KANK1: variants seen among roughly 807,000 people sequenced by gnomAD.
KANK1 encodes the protein KN motif and ankyrin repeat domain-containing protein 1.
In KANK1, 109 loss-of-function variants were observed where a neutral mutation model predicts 106.2. That is an observed-to-expected ratio of 1.03 (90% CI 0.88 to 1.20). KANK1 has a LOEUF of 1.20. Among genes scored for constraint, KANK1 ranks in the 50% most tolerant of loss-of-function variants. KANK1 has a pLI of 0.00. For missense variants in KANK1, 2,399 were observed against 1,710.7 expected, an observed-to-expected ratio of 1.40 and a Z score of -7.10; for synonymous variants, 873 against 652.2, an observed-to-expected ratio of 1.34 and a Z score of -5.16.
intron 1 of KANK1, among the ~76,000 whole-genome samples, chr9:550,563 C>T (rs554631340): frequency 1.1e-4 from 16 of 152,264 alleles, no homozygotes; most frequent in East Asian, 5.8e-4. Flanking sequence ...TGAGTTATCG[C>T]GCCACTGCAC....
intron 1 of KANK1, among the ~76,000 whole-genome samples, chr9:659,650 G>A (rs9407338): frequency 0.84 from 127,247 of 151,792 alleles, 53,469 homozygotes; most frequent in East Asian, 0.97. Context: ...CAGTCATGGT[G>A]GATGGCGAAG....
chr9:625,911 C>A (rs1302303604), intron 1 of KANK1, among the ~76,000 whole-genome samples: 9 of 152,104 alleles, frequency 5.9e-5, no homozygotes, highest in Admixed American at 5.9e-4. Flanking sequence ...CCCAGATGAT[C>A]ATTTTCATCC....
At chr9:562,045 T>TTC (rs1554626113) in intron 1 of KANK1, among the ~76,000 whole-genome samples, 5 of 137,148 alleles carry the variant, frequency 3.6e-5, no homozygotes, top group East Asian at 2.0e-4. Context: ...GCATTTTCTT[T>TTC]TTTTTTTTTT....
intron 6 of KANK1, chr9:732,945 C>G: frequency 1.0e-5 from 2 of 191,348 alleles, no homozygotes; most frequent in South Asian, 1.4e-4. Flanking sequence ...TTTTTGGTGG[C>G]CAGCCTACTT....
intron 1 of KANK1, among the ~76,000 whole-genome samples, chr9:611,841 C>A (rs569608934): frequency 2.0e-5 from 3 of 152,288 alleles, no homozygotes; most frequent in African/African-American, 7.2e-5. Flanking sequence ...GCCTCAGCCT[C>A]CTGAGTAGCT....
intron 1 of KANK1, among the ~76,000 whole-genome samples, chr9:665,351 G>A (rs1038109551): frequency 9.2e-5 from 14 of 152,174 alleles, no homozygotes; most frequent in East Asian, 7.7e-4. Context: ...TACATGGTGA[G>A]AGATAGAGGT....
At chr9:686,324 C>T (rs1818543078) in intron 2 of KANK1, among the ~76,000 whole-genome samples, 1 of 152,160 alleles carries the variant, frequency 6.6e-6, no homozygotes, top group Non-Finnish European at 1.5e-5. Context: ...TGGGGCAACC[C>T]GTTTGGCATG....
intron 1 of KANK1, among the ~76,000 whole-genome samples, chr9:514,177 TTCC>T: frequency 3.9e-5 from 3 of 77,238 alleles, no homozygotes; most frequent in African/African-American, 3.1e-4. Context: ...TCTCCCTCCC[TTCC>T]TCTCTCCCTC....
intron 2 of KANK1, among the ~76,000 whole-genome samples, chr9:689,637 G>T (rs551465304): frequency 6.6e-6 from 1 of 152,280 alleles, no homozygotes; most frequent in East Asian, 1.9e-4. Context: ...GAGATGGGTG[G>T]AGAAGAGCCT....
At chr9:665,852 A>T (rs979812519) in intron 1 of KANK1, among the ~76,000 whole-genome samples, 1 of 152,018 alleles carries the variant, frequency 6.6e-6, no homozygotes, top group Non-Finnish European at 1.5e-5. Flanking sequence ...TTTTATAGTG[A>T]TCCTTGTAAA....
At chr9:724,164 T>G (rs1830088421) in intron 3 of KANK1, among the ~76,000 whole-genome samples, 1 of 152,214 alleles carries the variant, frequency 6.6e-6, no homozygotes, top group Non-Finnish European at 1.5e-5. Flanking sequence ...ATACTTATCT[T>G]TTTTTAAGAT....
At chr9:489,848 G>C (rs577377370) in intron 3 of KANK1, among the ~76,000 whole-genome samples, 1 of 152,284 alleles carries the variant, frequency 6.6e-6, no homozygotes, top group East Asian at 1.9e-4. Flanking sequence ...CAAGATTATA[G>C]TTAACAGTTC....
At chr9:721,330 A>G (rs2131330859) in intron 3 of KANK1, among the ~76,000 whole-genome samples, 1 of 152,324 alleles carries the variant, frequency 6.6e-6, no homozygotes, top group Non-Finnish European at 1.5e-5. Flanking sequence ...CTGCAGGCAC[A>G]AATAAATTCT....
chr9:527,046 C>G (rs1236517750), intron 1 of KANK1, among the ~76,000 whole-genome samples: 2 of 151,774 alleles, frequency 1.3e-5, no homozygotes, highest in Non-Finnish European at 2.9e-5. Flanking sequence ...TTTGCCCACC[C>G]AGAGTTAATC....
At chr9:646,065 C>CT (rs1405626966) in intron 1 of KANK1, among the ~76,000 whole-genome samples, 1 of 150,854 alleles carries the variant, frequency 6.6e-6, no homozygotes, top group Non-Finnish European at 1.5e-5. Flanking sequence ...GGGTAGACAT[C>CT]TAATAAAGTC....
chr9:642,511 A>G (rs1402630577), intron 1 of KANK1, among the ~76,000 whole-genome samples: 2 of 151,076 alleles, frequency 1.3e-5, no homozygotes, highest in East Asian at 3.8e-4. Flanking sequence ...TTGGTAGTGC[A>G]TAAGGTCACT....
intron 1 of KANK1, among the ~76,000 whole-genome samples, chr9:576,284 A>C (rs1820537545): frequency 6.6e-6 from 1 of 152,186 alleles, no homozygotes; most frequent in Non-Finnish European, 1.5e-5. Flanking sequence ...AGGGCTGCTG[A>C]GATAACATAC....
At chr9:649,029 C>G (rs2137478732) in intron 1 of KANK1, among the ~76,000 whole-genome samples, 1 of 152,246 alleles carries the variant, frequency 6.6e-6, no homozygotes, top group South Asian at 2.1e-4. Flanking sequence ...AACAGCACAG[C>G]TTCATCTGAC....
intron 2 of KANK1, chr9:687,025 C>A: frequency 1.5e-6 from 1 of 665,452 alleles, no homozygotes; most frequent in Non-Finnish European, 1.9e-6. Flanking sequence ...TGCTGAATTT[C>A]TTTTCTTTTC....
Sources: allele counts gnomAD v4.1 joint callset (sites outside exome capture counted in the v4.1 genomes callset), GRCh38; gene constraint gnomAD v4.1.1; transcripts MANE v1.5; gene names NCBI Gene and HGNC (gene_info 2026-07-23, HGNC 2026-07-21).